HLF: variants seen among roughly 807,000 people sequenced by gnomAD.
HLF encodes the protein hepatic leukemia factor.
In HLF, 3 loss-of-function variants were observed where a neutral mutation model predicts 22.6. The ratio of observed to expected loss-of-function variants is 0.13; its 90% CI spans 0.06 to 0.34. The LOEUF (loss-of-function observed/expected upper bound fraction) is 0.34, where lower values mean the gene tolerates loss of function less well. Among genes scored for constraint, HLF ranks in the 10% least tolerant of loss-of-function variants. The pLI is 1.00. For missense variants in HLF, 299 were observed against 389.2 expected (o/e 0.77, Z 1.95); for synonymous variants, 151 against 151.8 (o/e 0.99, Z 0.04).
chr17:55,298,681 A>G (rs995526363), intron 2 of HLF, among the ~76,000 whole-genome samples: 22 of 152,222 alleles, frequency 1.4e-4, no homozygotes, highest in African/African-American at 5.1e-4. Context: ...GCCTATAAAT[A>G]TGTGTGAAAA....
chr17:55,293,266 T>G (rs143871117), intron 2 of HLF, among the ~76,000 whole-genome samples: 162 of 152,306 alleles, frequency 1.1e-3, no homozygotes, highest in African/African-American at 3.9e-3. Flanking sequence ...AATTAAGATT[T>G]GAGGTGCTAT....
chr17:55,300,106 T>A (rs1233408042), intron 2 of HLF, among the ~76,000 whole-genome samples: 1 of 152,246 alleles, frequency 6.6e-6, no homozygotes, highest in African/African-American at 2.4e-5. Flanking sequence ...CCCAAAGTGC[T>A]GGAACTACAG....
intron 2 of HLF, chr17:55,273,779 C>G (rs934340068): frequency 3.8e-4 from 58 of 152,038 alleles, no homozygotes; most frequent in African/African-American, 1.4e-3. Flanking sequence ...TTTCCCTCCT[C>G]CCCCTCGCTT....
chr17:55,265,725 C>A, intron 1 of HLF, 126 bp downstream of exon 1: 2 of 1,130,476 alleles, frequency 1.8e-6, no homozygotes, highest in South Asian at 1.8e-5. Flanking sequence ...GCCCCGGCCC[C>A]GCGCTGATGA....
intron 2 of HLF, among the ~76,000 whole-genome samples, chr17:55,310,066 C>T (rs1399792086): frequency 1.3e-5 from 2 of 152,162 alleles, no homozygotes; most frequent in African/African-American, 2.4e-5. Flanking sequence ...GGAGGTTTAG[C>T]CTTGCCTAAT....
chr17:55,325,000 GT>G lies in HLF; in HGVS notation c.*4123del. ...CCATGATATTGGTGGTATTTATGCT[GT>G]TAAGTCCAAACCTTTATCTGTCTGT... is the stretch of plus-strand genomic sequence containing the variant. On this transcript the variant is annotated 3_prime_UTR_variant, in exon 4 of 4. Coordinates refer to ENST00000226067, the MANE Select transcript of HLF (RefSeq NM_002126.5). 1 of 227,556 alleles carries G rather than the reference GT, an allele frequency of 4.4e-6. No homozygotes were observed. The highest frequency in any genetic ancestry group is 8.8e-6 in the Non-Finnish European group (1 of 114,186). The allele number at this position is 227,556 out of a possible 1,614,324, so 14.1% of individuals were successfully genotyped here.
chr17:55,278,841 C>G (rs577938566), intron 2 of HLF, among the ~76,000 whole-genome samples: 1 of 152,240 alleles, frequency 6.6e-6, no homozygotes, highest in Non-Finnish European at 1.5e-5. Flanking sequence ...GGACAGAGAT[C>G]TCAGATCCAA....
chr17:55,312,948 A>G (rs1904898904), intron 2 of HLF, among the ~76,000 whole-genome samples: 1 of 152,260 alleles, frequency 6.6e-6, no homozygotes, highest in South Asian at 2.1e-4. Flanking sequence ...GAGTTAATTC[A>G]GCAGAAAATA....
intron 1 of HLF, chr17:55,266,931 G>C (rs956860619): frequency 5.4e-6 from 2 of 370,076 alleles, no homozygotes; most frequent in Non-Finnish European, 7.5e-6. Flanking sequence ...CTTTTGAAAG[G>C]TTTTGTAAAT....
chr17:55,320,947 G>A lies in HLF; in HGVS notation c.*68G>A, dbSNP rs559216184. 8.8e-6 allele frequency: 11 copies of A among 1,245,274 alleles called. No homozygotes were observed. The highest frequency in any genetic ancestry group is 2.5e-5 in the East Asian group (1 of 40,664). 77.1% of individuals were successfully genotyped at this position (1,245,274 alleles called of 1,614,324 possible). On this transcript the variant is annotated 3_prime_UTR_variant, in exon 4 of 4. Coordinates refer to ENST00000226067, the MANE Select transcript of HLF (RefSeq NM_002126.5). This position sits in a 1 kb window ranked among gnomAD's most constrained non-coding sequence, Gnocchi z 4.2. The stretch of plus-strand genomic sequence containing the variant: ...TGTTTCCTGTCTGATAGCACCACAC[G>A]CAAACCAACCTTTCTGACATCAGCA...
rs1905304391 is a variant in HLF, at chr17:55,322,725, G to A, written c.*1846G>A. 4.5e-6 allele frequency: 1 copy of A among 221,494 alleles called. No homozygotes were observed. Among genetic ancestry groups the A allele is most frequent in the African/African-American group, 2.2e-5 (1 of 44,668 alleles). The allele number at this position is 221,494 out of a possible 1,614,324, so 13.7% of individuals were successfully genotyped here. A position where few individuals can be genotyped will look rare whatever the true frequency, so the allele number is the denominator to read the frequency against. Reference sequence around the variant, plus strand: ...ACAGTGTTTTTTAGGAAAAGCATCTGCCACAAAAATGTTCACTTCGAAATT... The same window carrying A: ...ACAGTGTTTTTTAGGAAAAGCATCTACCACAAAAATGTTCACTTCGAAATT... On this transcript the variant is annotated 3_prime_UTR_variant, in exon 4 of 4. Coordinates refer to ENST00000226067, the MANE Select transcript of HLF (RefSeq NM_002126.5).
At chr17:55,318,666 G>A (rs370881500) in intron 3 of HLF, among the ~76,000 whole-genome samples, 12 of 152,088 alleles carry the variant, frequency 7.9e-5, no homozygotes, top group African/African-American at 2.2e-4. Flanking sequence ...CTGTTCCCCC[G>A]TGTGCAGACT....
intron 2 of HLF, among the ~76,000 whole-genome samples, chr17:55,273,899 G>A (rs1175140550): frequency 1.3e-5 from 2 of 152,052 alleles, no homozygotes; most frequent in Admixed American, 6.6e-5. Flanking sequence ...AACCTGTTCT[G>A]TCCAACATTC....
At chr17:55,295,433 T>G (rs2081102981) in intron 2 of HLF, among the ~76,000 whole-genome samples, 1 of 152,242 alleles carries the variant, frequency 6.6e-6, no homozygotes, top group African/African-American at 2.4e-5. Context: ...AAACGTTTAT[T>G]TATGATGGCT....
intron 2 of HLF, among the ~76,000 whole-genome samples, chr17:55,290,648 A>C (rs1434738029): frequency 6.6e-6 from 1 of 152,146 alleles, no homozygotes; most frequent in African/African-American, 2.4e-5. Context: ...ACAATATTGA[A>C]AGTAGGCCAA....
At chr17:55,295,856 G>A (rs1187914712) in intron 2 of HLF, among the ~76,000 whole-genome samples, 1 of 152,230 alleles carries the variant, frequency 6.6e-6, no homozygotes, top group Non-Finnish European at 1.5e-5. Context: ...GCGTGGAGGA[G>A]GAGGGGGAGG....
intron 2 of HLF, among the ~76,000 whole-genome samples, chr17:55,303,526 G>T (rs1049743329): frequency 2.0e-5 from 3 of 152,196 alleles, no homozygotes; most frequent in Non-Finnish European, 4.4e-5. Context: ...TGCACTAGAA[G>T]CCAGTATTAT....
intron 2 of HLF, among the ~76,000 whole-genome samples, chr17:55,303,421 A>G (rs1046716168): frequency 2.0e-5 from 3 of 152,210 alleles, no homozygotes; most frequent in Non-Finnish European, 4.4e-5. Context: ...TACAGAGGAA[A>G]CTAGAAAGCT....
In HLF at chr17:55,315,535, A is replaced by C. The variant is rs1905030976; in HGVS notation, c.672+88A>C. ...AAGGGTGACCCCAGGATGATCCCAG[A>C]AGCTAGTGCATGAAGGATTTCTGAT... On this transcript the variant is annotated intron_variant, in intron 3 of 3. Transcript: ENST00000226067. 4.3e-6 allele frequency: 4 copies of C among 933,524 alleles called. No homozygotes were observed. In the South Asian group the frequency reaches 5.7e-5, roughly 13 times the overall value. The allele number at this position is 933,524 out of a possible 1,614,324, so 57.8% of individuals were successfully genotyped here. A position where few individuals can be genotyped will look rare whatever the true frequency, so the allele number is the denominator to read the frequency against.
Sources: allele counts gnomAD v4.1 joint callset (sites outside exome capture counted in the v4.1 genomes callset), GRCh38; gene constraint gnomAD v4.1.1; non-coding constraint Gnocchi (gnomAD v3.1); transcripts MANE v1.5; gene names NCBI Gene and HGNC (gene_info 2026-07-23, HGNC 2026-07-21).